The following GPRC5A variants were observed in gnomAD, a reference collection of about 807,000 sequenced individuals.
GPRC5A encodes retinoic acid-induced protein 3.
A neutral mutation model predicts 22.5 loss-of-function variants in GPRC5A; 19 were observed. That is an observed-to-expected ratio of 0.85 (90% CI 0.59 to 1.24). The LOEUF (loss-of-function observed/expected upper bound fraction) is 1.24. Ranked by LOEUF, GPRC5A falls within the 50% of genes most tolerant of loss-of-function variation. The pLI is 0.00. For synonymous variants in GPRC5A, 192 were observed against 184.5 expected, an observed-to-expected ratio of 1.04 and a Z score of -0.33; for missense variants, 471 against 451.1, an observed-to-expected ratio of 1.04 and a Z score of -0.40.
chr12:12,909,188 G>C lies in GPRC5A; in HGVS notation c.922+17G>C, dbSNP rs1226343645. 1.3e-6 allele frequency: 2 copies of C among 1,513,486 alleles called. No homozygotes were observed. Among genetic ancestry groups the C allele is most frequent in the Non-Finnish European group, 1.8e-6 (2 of 1,120,480 alleles). The allele number at this position is 1,513,486 out of a possible 1,614,324, so 93.8% of individuals were successfully genotyped here. On this transcript the variant is annotated intron_variant, in intron 2 of 3. Transcript: ENST00000014914. The stretch of plus-strand genomic sequence containing the variant: ...TCACTCAAGGTACAGATGCAGCCTG[G>C]CTAGGCAGAGAATCCCTTGTAGAAA...
rs766858332 is a variant in GPRC5A at position 12,908,656 on chromosome 12, G to A, written c.407G>A (p.Gly136Asp). 6.2e-7 allele frequency: 1 copy of A among 1,613,938 alleles called. No individual in the cohort carries two copies. The highest frequency in any genetic ancestry group is 1.7e-5 in the Admixed American group (1 of 60,004). ...CCCCTTTCCCTGTTGGTGATTCTGG[G>A]TCTGGCCGTGGGCTTCAGCCTAGTC... ...RKPLSLLVIL[G>D]LAVGFSLVQD... is the part of the protein sequence containing the mutation. Residue 136 changes from glycine (G) to aspartate (D), a missense_variant, in exon 2 of 4, where the codon GGT (glycine) becomes GAT (aspartate). By Grantham distance (94) the Gly-to-Asp change is moderately conservative. Transcript: ENST00000014914.
intron 1 of GPRC5A, among the ~76,000 whole-genome samples, chr12:12,897,177 A>C (rs894011726): frequency 1.4e-5 from 2 of 144,698 alleles, no homozygotes; most frequent in Non-Finnish European, 3.0e-5. Context: ...CAGTGAGCTG[A>C]GATCATGCCA....
chr12:12,904,092 C>T (rs1863916194), intron 1 of GPRC5A, among the ~76,000 whole-genome samples: 1 of 152,054 alleles, frequency 6.6e-6, no homozygotes, highest in South Asian at 2.1e-4. Flanking sequence ...GATTAATCTG[C>T]CGGGGTGTGG....
Position 12,912,008 on chromosome 12 carries a change from C to T in GPRC5A, c.923-76C>T, listed in dbSNP as rs1864010105. On this transcript the variant is annotated intron_variant, in intron 2 of 3. Transcript: ENST00000014914. Reference sequence around the variant, plus strand: ...GCAATTAAATGGGCAAGATGTCACACTGTGATAAGTGATACAATGGGGTGA... The same window carrying T: ...GCAATTAAATGGGCAAGATGTCACATTGTGATAAGTGATACAATGGGGTGA... The T allele has an allele frequency of 2.7e-5, 24 of 873,056 alleles. 1 individual carries two copies. In the South Asian group the frequency reaches 3.3e-4, roughly 12 times the overall value. The allele number at this position is 873,056 out of a possible 1,614,324, so 54.1% of individuals were successfully genotyped here.
At chr12:12,905,238 G>A (rs992419759) in intron 1 of GPRC5A, among the ~76,000 whole-genome samples, 3 of 152,134 alleles carry the variant, frequency 2.0e-5, no homozygotes, top group Admixed American at 6.6e-5. Context: ...GCAGGATTCA[G>A]GGGATGCTTT....
chr12:12,892,928 A>G (rs1234872154), intron 1 of GPRC5A, among the ~76,000 whole-genome samples: 3 of 150,780 alleles, frequency 2.0e-5, no homozygotes, highest in African/African-American at 7.3e-5. Flanking sequence ...GGGGGCACAC[A>G]CCCTCCAGGT....
Position 12,908,475 on chromosome 12 carries a change from T to C in GPRC5A, c.226T>C (p.Leu76=), listed in dbSNP as rs1863966084. ...PTQFLFLLGV[L]GIFGLTFAFI... Reference sequence around the variant, plus strand: ...TCAGTTTCTCTTCCTCCTGGGTGTGTTGGGCATCTTTGGCCTCACCTTCGC... The same window carrying C: ...TCAGTTTCTCTTCCTCCTGGGTGTGCTGGGCATCTTTGGCCTCACCTTCGC... Residue 76 remains leucine (L), a synonymous_variant, in exon 2 of 4, where the codon TTG becomes CTG. Coordinates refer to ENST00000014914, the MANE Select transcript of GPRC5A (RefSeq NM_003979.4). The C allele has an allele frequency of 6.2e-7, 1 of 1,614,108 alleles. No individual in the cohort carries two copies. The highest frequency in any genetic ancestry group is 1.3e-5 in the African/African-American group (1 of 75,046).
Position 12,912,582 on chromosome 12 carries a change from C to A in GPRC5A, c.*43C>A. On this transcript the variant is annotated 3_prime_UTR_variant, in exon 4 of 4. Transcript: ENST00000014914. Reference sequence around the variant, plus strand: ...GGACAAATGCAGCCGGGCGGCAGATCTAGCGGGAGCTCAAAGGGATGTGGG... The same window carrying A: ...GGACAAATGCAGCCGGGCGGCAGATATAGCGGGAGCTCAAAGGGATGTGGG... The A allele has an allele frequency of 1.7e-6, 2 of 1,149,248 alleles. No individual in the cohort carries two copies. Among genetic ancestry groups the A allele is most frequent in the Non-Finnish European group, 2.6e-6 (2 of 756,384 alleles). The allele number at this position is 1,149,248 out of a possible 1,614,324, so 71.2% of individuals were successfully genotyped here.
At position 12,900,923 on chromosome 12, in the gene GPRC5A, A is replaced by AAACC. The variant is rs1555104732; in HGVS notation, c.-7-7319_-7-7318insACCA. Among the ~76,000 whole-genome samples, 4 of 109,992 alleles carry AAACC rather than the reference A, an allele frequency of 3.6e-5. No homozygotes were observed. The East Asian group carries it at 1.6e-3, about 45-fold the overall frequency. The allele number at this position is 109,992 out of a possible 152,430, so 72.2% of individuals were successfully genotyped here. A position where few individuals can be genotyped will look rare whatever the true frequency, so the allele number is the denominator to read the frequency against. On this transcript the variant is annotated intron_variant, in intron 1 of 3. Coordinates refer to ENST00000014914, the MANE Select transcript of GPRC5A (RefSeq NM_003979.4). ...AAAAAAAAAAAAAAAACAAAAAAAA[A>AAACC]ACAACCCAGAAAAACCCAAAAAACA...
chr12:12,900,681 G>C (rs1007907700), intron 1 of GPRC5A, among the ~76,000 whole-genome samples: 1 of 151,632 alleles, frequency 6.6e-6, no homozygotes, highest in Non-Finnish European at 1.5e-5. Context: ...GCCTGAGGTC[G>C]GGAGGTCGAG....
chr12:12,899,331 C>G (rs1038241543), intron 1 of GPRC5A, among the ~76,000 whole-genome samples: 1 of 152,142 alleles, frequency 6.6e-6, no homozygotes, highest in African/African-American at 2.4e-5. Flanking sequence ...AAGCTACTGC[C>G]CCCGGCCAGG....
intron 2 of GPRC5A, among the ~76,000 whole-genome samples, 165 bp from the exon 3 acceptor site, chr12:12,911,919 G>C (rs987393632): frequency 6.6e-6 from 1 of 152,194 alleles, no homozygotes; most frequent in Non-Finnish European, 1.5e-5. Context: ...CTTTGTGCCT[G>C]GTCCTAGGCT....
intron 1 of GPRC5A, among the ~76,000 whole-genome samples, chr12:12,903,612 AG>A (rs1347844079): frequency 6.6e-6 from 1 of 152,248 alleles, no homozygotes; most frequent in Non-Finnish European, 1.5e-5. Flanking sequence ...AGGAACTTCA[AG>A]AACTATTTCT....
intron 1 of GPRC5A, among the ~76,000 whole-genome samples, chr12:12,897,818 A>G (rs1863838724): frequency 6.6e-6 from 1 of 152,004 alleles, no homozygotes; most frequent in Non-Finnish European, 1.5e-5. Flanking sequence ...CATGCTGGCC[A>G]GGCTGGTCTC....
Position 12,909,111 on chromosome 12 carries a change from C to G in GPRC5A, c.862C>G (p.Leu288Val), listed in dbSNP as rs148641647. ...TGAGGATGCTTTCTGTAAACCTCAA[C>G]TCGTGAAGAAGAGCTATGGTGTGGA... is the stretch of plus-strand genomic sequence containing the variant. ...PVEDAFCKPQ[L>V]VKKSYGVENR... The change falls in exon 2 of 4, where the codon CTC becomes GTC. Residue 288 changes from leucine (L) to valine (V), a missense_variant. By Grantham distance (32) the Leu-to-Val change is conservative. Coordinates refer to ENST00000014914, the MANE Select transcript of GPRC5A (RefSeq NM_003979.4). The G allele has an allele frequency of 6.9e-6, 11 of 1,601,034 alleles. No homozygotes were observed. In the Admixed American group the frequency reaches 1.3e-4, roughly 19 times the overall value.
intron 1 of GPRC5A, among the ~76,000 whole-genome samples, chr12:12,894,761 A>C (rs2136454558): frequency 7.2e-6 from 1 of 138,236 alleles, no homozygotes; most frequent in Middle Eastern, 4.6e-3. Context: ...GGTGCATAAA[A>C]GTCTAGGATG....
At chr12:12,898,960 A>G (rs1176850027) in intron 1 of GPRC5A, among the ~76,000 whole-genome samples, 1 of 152,116 alleles carries the variant, frequency 6.6e-6, no homozygotes, top group African/African-American at 2.4e-5. Context: ...GTATTCCATA[A>G]CTTCTTAGTT....
At chr12:12,898,472 C>T (rs761269640) in intron 1 of GPRC5A, among the ~76,000 whole-genome samples, 13 of 151,902 alleles carry the variant, frequency 8.6e-5, no homozygotes, top group South Asian at 2.1e-4. Context: ...TCGAAGCTGC[C>T]GTGAGCTGTG....
intron 1 of GPRC5A, among the ~76,000 whole-genome samples, chr12:12,904,676 C>T (rs1018573818): frequency 3.3e-5 from 5 of 151,914 alleles, no homozygotes; most frequent in African/African-American, 9.7e-5. Context: ...TCGGGAAGAT[C>T]GATTTAAGCT....
Sources: gnomAD v4.1 joint callset for allele counts (sites outside exome capture counted in the v4.1 genomes callset) on GRCh38, gnomAD v4.1.1 for gene constraint, MANE v1.5 for transcripts, NCBI Gene and HGNC (gene_info 2026-07-23, HGNC 2026-07-21) for gene names.